Variants in KCNMB2 observed in about 807,000 individuals in gnomAD.
The protein encoded by KCNMB2 is calcium-activated potassium channel subunit beta-2.
KCNMB2 carries 9 observed loss-of-function variants against 24.5 expected under a neutral mutation model. The observed-to-expected ratio is 0.37, with a 90% CI of 0.22 to 0.64. The LOEUF is 0.64. KCNMB2 is among the 30% of genes least tolerant of loss of function. KCNMB2 has a pLI of 0.63. For missense variants in KCNMB2, 226 were observed against 284.3 expected, an observed-to-expected ratio of 0.79 and a Z score of 1.47; for synonymous variants, 109 against 104.4, an observed-to-expected ratio of 1.04 and a Z score of -0.27.
intron 1 of KCNMB2, among the ~76,000 whole-genome samples, chr3:178,620,886 A>C (rs977175999): frequency 2.0e-5 from 3 of 152,210 alleles, no homozygotes; most frequent in Non-Finnish European, 4.4e-5. Flanking sequence ...GACAGAGCAA[A>C]ATTAGTTAAG....
At chr3:178,690,043 A>G (rs951236225) in intron 1 of KCNMB2, among the ~76,000 whole-genome samples, 1 of 152,240 alleles carries the variant, frequency 6.6e-6, no homozygotes, top group Non-Finnish European at 1.5e-5. Context: ...AAAATTTTAT[A>G]TAATAAAAAT....
intron 2 of KCNMB2, among the ~76,000 whole-genome samples, chr3:178,814,828 C>T (rs1035664906): frequency 2.0e-5 from 3 of 151,832 alleles, no homozygotes; most frequent in Non-Finnish European, 4.4e-5. Flanking sequence ...TTTGTTTTCT[C>T]CTTGTTGATT....
chr3:178,842,667 T>G lies in KCNMB2; in HGVS notation c.438T>G (p.Pro146=). 2 of 1,610,054 alleles carry G rather than the reference T, an allele frequency of 1.2e-6. No homozygotes were observed. Among genetic ancestry groups the G allele is most frequent in the Non-Finnish European group, 1.7e-6 (2 of 1,176,658 alleles). ...ATTCTCCACAGTGCTCCTATATACC[T>G]AAATGTGGAAAAAATTTTGAAGAAT... The part of the protein sequence containing the change: ...IKINQKCSYI[P]KCGKNFEESM... The change falls in exon 5 of 5, where the codon CCT becomes CCG. Residue 146 remains proline, a synonymous_variant. Transcript: ENST00000452583.
chr3:178,636,316 T>C (rs1560141985), intron 1 of KCNMB2, among the ~76,000 whole-genome samples: 1 of 152,188 alleles, frequency 6.6e-6, no homozygotes, highest in Non-Finnish European at 1.5e-5. Context: ...GCTCGGGTGA[T>C]GGGTGCACCA....
intron 1 of KCNMB2, among the ~76,000 whole-genome samples, chr3:178,560,938 G>A (rs1002444420): frequency 2.0e-5 from 3 of 152,144 alleles, no homozygotes. Context: ...CTTAGGCGCA[G>A]CACTGTTTTG....
chr3:178,796,920 T>C (rs1308029265), intron 1 of KCNMB2, among the ~76,000 whole-genome samples: 6 of 151,516 alleles, frequency 4.0e-5, no homozygotes, highest in South Asian at 4.2e-4. Flanking sequence ...GAAATTGAAA[T>C]GAAGGAAAAC....
At chr3:178,581,438 A>G (rs911123980) in intron 1 of KCNMB2, among the ~76,000 whole-genome samples, 1 of 152,134 alleles carries the variant, frequency 6.6e-6, no homozygotes, top group African/African-American at 2.4e-5. Flanking sequence ...AGGCAATACC[A>G]TTCAGGACAT....
At position 178,721,054 on chromosome 3, in the gene KCNMB2, C is replaced by G. The variant is rs564490174; in HGVS notation, c.-67-86289C>G. ...TTAGACATGAAGTCCTTGCCCATGC[C>G]TATGTCCTGAATGGTAATGCCTAGG... On this transcript the variant is annotated intron_variant, in intron 1 of 4. Coordinates refer to ENST00000452583, the MANE Select transcript of KCNMB2 (RefSeq NM_181361.3). Among the ~76,000 whole-genome samples the G allele has an allele frequency of 2.0e-4, 31 of 152,192 alleles. No individual in the cohort carries two copies. In the East Asian group the frequency reaches 3.7e-3, roughly 18 times the overall value.
intron 1 of KCNMB2, among the ~76,000 whole-genome samples, chr3:178,565,620 GA>G (rs1274682913): frequency 6.6e-6 from 1 of 152,180 alleles, no homozygotes; most frequent in East Asian, 1.9e-4. Flanking sequence ...TCGTTCTTTA[GA>G]GCAGGTCTAA....
chr3:178,757,117 C>G (rs1324919535), intron 1 of KCNMB2: 1 of 149,774 alleles, frequency 6.7e-6, no homozygotes, highest in Non-Finnish European at 1.5e-5. Context: ...TTTCTTCTTT[C>G]TCCTTAAGTT....
At chr3:178,707,994 T>C (rs1270285544) in intron 1 of KCNMB2, among the ~76,000 whole-genome samples, 2 of 152,184 alleles carry the variant, frequency 1.3e-5, no homozygotes, top group East Asian at 1.9e-4. Context: ...TTTGTGCCTC[T>C]TGGACAGAGC....
intron 1 of KCNMB2, among the ~76,000 whole-genome samples, chr3:178,586,647 T>C (rs6443550): frequency 0.79 from 117,596 of 149,396 alleles, 46,628 homozygotes; most frequent in African/African-American, 0.9. Context: ...CGGGTTCAAG[T>C]GATTCTCCTG....
At chr3:178,542,047 C>A (rs919318360) in intron 1 of KCNMB2, among the ~76,000 whole-genome samples, 3 of 152,192 alleles carry the variant, frequency 2.0e-5, no homozygotes, top group Non-Finnish European at 4.4e-5. Context: ...AACAACACAG[C>A]AGCAGGGGCC....
chr3:178,709,559 C>A (rs181209515), intron 1 of KCNMB2, among the ~76,000 whole-genome samples: 1 of 152,056 alleles, frequency 6.6e-6, no homozygotes, highest in African/African-American at 2.4e-5. Flanking sequence ...ATATACAGTA[C>A]GATTCCCTAA....
chr3:178,629,699 C>T (rs905452830), intron 1 of KCNMB2, among the ~76,000 whole-genome samples: 1 of 152,048 alleles, frequency 6.6e-6, no homozygotes, highest in Non-Finnish European at 1.5e-5. Flanking sequence ...AACTCCTTGA[C>T]CTCAAATAAA....
At chr3:178,814,500 A>C (rs1031411028) in intron 2 of KCNMB2, among the ~76,000 whole-genome samples, 1 of 152,188 alleles carries the variant, frequency 6.6e-6, no homozygotes, top group African/African-American at 2.4e-5. Flanking sequence ...AATGGTATCA[A>C]TTATGGTTGC....
intron 1 of KCNMB2, among the ~76,000 whole-genome samples, chr3:178,549,270 C>T (rs1296741597): frequency 1.3e-5 from 2 of 151,160 alleles, no homozygotes; most frequent in Non-Finnish European, 2.9e-5. Flanking sequence ...AACAATCTGC[C>T]TCGGGGCTTA....
intron 1 of KCNMB2, among the ~76,000 whole-genome samples, chr3:178,591,978 T>G (rs1374825530): frequency 6.6e-6 from 1 of 152,146 alleles, no homozygotes. Flanking sequence ...TTCTTTTTGG[T>G]GAAAATTACT....
At chr3:178,641,877 T>C (rs544065521) in intron 1 of KCNMB2, among the ~76,000 whole-genome samples, 1 of 152,286 alleles carries the variant, frequency 6.6e-6, no homozygotes, top group Non-Finnish European at 1.5e-5. Flanking sequence ...GTAAATCTTA[T>C]TTTTAAAAAC....
Sources: gnomAD v4.1 joint callset for allele counts (sites outside exome capture counted in the v4.1 genomes callset) on GRCh38, gnomAD v4.1.1 for gene constraint, MANE v1.5 for transcripts, NCBI Gene and HGNC (gene_info 2026-07-23, HGNC 2026-07-21) for gene names.